TBC1D2: variants seen among roughly 807,000 people sequenced by gnomAD.
The protein encoded by TBC1D2 is TBC1 domain family member 2A.
A neutral mutation model predicts 91.1 loss-of-function variants in TBC1D2; 58 were observed. That is an observed-to-expected ratio of 0.64 (90% CI 0.52 to 0.79). The LOEUF (loss-of-function observed/expected upper bound fraction) is 0.79, where lower values mean the gene tolerates loss of function less well. Ranked by LOEUF, TBC1D2 falls within the 30% of genes least tolerant of loss-of-function variation. The pLI, the probability that TBC1D2 is intolerant of heterozygous loss-of-function variation, is 0.00. For synonymous variants in TBC1D2, 482 were observed against 511.5 expected (o/e 0.94, Z 0.78); for missense variants, 1,080 against 1,208.3 (o/e 0.89, Z 1.57).
Position 98,210,656 on chromosome 9 carries a change from C to T in TBC1D2, c.1673G>A (p.Ser558Asn), listed in dbSNP as rs939588379. 4.4e-6 allele frequency: 7 copies of T among 1,585,036 alleles called. No individual in the cohort carries two copies. Among genetic ancestry groups the T allele is most frequent in the African/African-American group, 1.3e-5 (1 of 74,146 alleles). The change falls in exon 8 of 13, where the codon AGT (serine) becomes AAT (asparagine). Residue 558 changes from serine to asparagine, a missense_variant and splice_region_variant. Ser to Asn is a conservative substitution (Grantham distance 46, BLOSUM62 1). Coordinates refer to ENST00000465784, the MANE Select transcript of TBC1D2 (RefSeq NM_001267571.2). ...SSDSIELSPISKYDEYGFLTV... is the reference protein window; with the variant it reads ...SSDSIELSPINKYDEYGFLTV... ...GCCCTTCCTGGGCCGCCAGGCTCAC[C>T]TGATGGGGCTCAGCTCGATGCTGTC...
chr9:98,199,011 T>G lies in TBC1D2; in HGVS notation c.*370A>C. 1 of 309,786 alleles carries G rather than the reference T, an allele frequency of 3.2e-6. No homozygotes were observed. The highest frequency in any genetic ancestry group is 6.1e-6 in the Non-Finnish European group (1 of 164,254). The allele number at this position is 309,786 out of a possible 1,614,324, so 19.2% of individuals were successfully genotyped here. A position where few individuals can be genotyped will look rare whatever the true frequency, so the allele number is the denominator to read the frequency against. ...AGGAACAACTGGTAACTGAGAACTG[T>G]TTAAGTTCCAAAGCTTATGAATGAT... On this transcript the variant is annotated 3_prime_UTR_variant, in exon 13 of 13. Transcript: ENST00000465784.
In TBC1D2 at chr9:98,204,477, G is replaced by A. The variant is rs145755378; in HGVS notation, c.2151-1069C>T. ...CCTCAGAGGACCCTGGAGAGATGTCGCTTTAGAAAGCCTCTGACTCTCTGG... is the reference window on the plus strand; with the variant it reads ...CCTCAGAGGACCCTGGAGAGATGTCACTTTAGAAAGCCTCTGACTCTCTGG... On this transcript the variant is annotated intron_variant, in intron 9 of 12. Transcript: ENST00000465784. Among the ~76,000 whole-genome samples, 164 of 152,286 alleles carry A rather than the reference G, an allele frequency of 1.1e-3. 1 individual carries two copies. Among genetic ancestry groups the A allele is most frequent in the African/African-American group, 3.9e-3 (162 of 41,564 alleles).
intron 3 of TBC1D2, among the ~76,000 whole-genome samples, chr9:98,233,888 G>C (rs1829437897): frequency 6.6e-6 from 1 of 152,176 alleles, no homozygotes. Context: ...ATGCCTAAAC[G>C]GTGCCCAAAA....
chr9:98,215,195 T>A (rs1828941121), intron 6 of TBC1D2, among the ~76,000 whole-genome samples: 1 of 152,202 alleles, frequency 6.6e-6, no homozygotes, highest in South Asian at 2.1e-4. Context: ...AGTGAAAATC[T>A]TGTTTGTGGC....
chr9:98,237,804 C>T (rs1251326501), intron 3 of TBC1D2, among the ~76,000 whole-genome samples: 3 of 151,902 alleles, frequency 2.0e-5, no homozygotes, highest in Admixed American at 6.6e-5. Context: ...TGTAAGGAAG[C>T]CACCAGAATT....
rs576742301 is a variant in TBC1D2 at position 98,221,460 on chromosome 9, A to G, written c.979-232T>C. On this transcript the variant is annotated intron_variant, in intron 5 of 12. Coordinates refer to ENST00000465784, the MANE Select transcript of TBC1D2 (RefSeq NM_001267571.2). ...TCCCAGCCAAGCCATGGTGAGGTGT[A>G]GCCAAGTAACTATTCTGCCTAAATG... Among the ~76,000 whole-genome samples, 81 of 152,350 alleles carry G rather than the reference A, an allele frequency of 5.3e-4. 1 individual carries two copies. Among genetic ancestry groups the G allele is most frequent in the African/African-American group, 1.9e-3 (78 of 41,584 alleles).
chr9:98,201,511 C>T lies in TBC1D2; in HGVS notation c.2425G>A (p.Val809Ile). 1.4e-5 allele frequency: 23 copies of T among 1,614,112 alleles called. No homozygotes were observed. Among genetic ancestry groups the T allele is most frequent in the Non-Finnish European group, 1.9e-5 (22 of 1,180,002 alleles). Residue 809 changes from valine to isoleucine, a missense_variant, in exon 11 of 13, where the codon GTC (valine) becomes ATC (isoleucine). Val to Ile is a conservative substitution (Grantham distance 29, BLOSUM62 3). Transcript: ENST00000465784. ...CCCTCGTACAGGAAGGCATCCCAGA[C>T]CCGAAGGAGGATGTTGCTAATGAGA... is the stretch of plus-strand genomic sequence containing the variant. ...DSLISNILLRVWDAFLYEGTK... is the reference protein window; with the variant it reads ...DSLISNILLRIWDAFLYEGTK...
At position 98,210,451 on chromosome 9, in the gene TBC1D2, G is replaced by A. The variant is rs530514263; in HGVS notation, c.1673+205C>T. Among the ~76,000 whole-genome samples the A allele has an allele frequency of 2.7e-3, 407 of 152,318 alleles. 2 individuals are homozygous for A. The highest frequency in any genetic ancestry group is 9.6e-3 in the African/African-American group (398 of 41,574). On this transcript the variant is annotated intron_variant, in intron 8 of 12. Transcript: ENST00000465784. The stretch of plus-strand genomic sequence containing the variant: ...TGGGGCTCTGGAGGCAGCCTGTGCC[G>A]CAAATGTACTATAGGGCCATGGCAG...
intron 6 of TBC1D2, among the ~76,000 whole-genome samples, chr9:98,216,380 C>A (rs7040214): frequency 3.2e-4 from 48 of 152,126 alleles, no homozygotes; most frequent in Non-Finnish European, 5.3e-4. Flanking sequence ...CAAGCCCCCC[C>A]GCAAGGGAGG....
At chr9:98,219,330 T>C (rs565976616) in intron 6 of TBC1D2, among the ~76,000 whole-genome samples, 1 of 152,338 alleles carries the variant, frequency 6.6e-6, no homozygotes, top group Admixed American at 6.5e-5. Flanking sequence ...TGTTCAACAC[T>C]GCCCACTGAG....
At chr9:98,244,782 T>C (rs1219597500) in intron 2 of TBC1D2, among the ~76,000 whole-genome samples, 2 of 152,000 alleles carry the variant, frequency 1.3e-5, no homozygotes, top group African/African-American at 4.8e-5. Context: ...TCTAGCATTG[T>C]CACAATAGCC....
chr9:98,242,802 C>CTTTTT (rs1563988076), intron 3 of TBC1D2, among the ~76,000 whole-genome samples: 1 of 99,844 alleles, frequency 1.0e-5, no homozygotes, highest in African/African-American at 5.6e-5. Flanking sequence ...CACACTGCTG[C>CTTTTT]CTTTTTTTTT....
intron 7 of TBC1D2, among the ~76,000 whole-genome samples, chr9:98,212,220 G>A (rs1483764864): frequency 2.0e-5 from 3 of 152,138 alleles, no homozygotes; most frequent in Non-Finnish European, 4.4e-5. Context: ...GTCTGATTGA[G>A]GACTTCTCCA....
chr9:98,203,542 C>T, intron 9 of TBC1D2, 134 bp from the exon 10 acceptor site: 2 of 1,333,522 alleles, frequency 1.5e-6, no homozygotes, highest in Non-Finnish European at 2.0e-6. Flanking sequence ...CACTCCCTAA[C>T]CAGATTTGTG....
chr9:98,232,262 TG>T (rs1486079181), intron 4 of TBC1D2, among the ~76,000 whole-genome samples: 1 of 151,896 alleles, frequency 6.6e-6, no homozygotes, highest in Non-Finnish European at 1.5e-5. Flanking sequence ...TCTCTTGGAC[TG>T]CTTGTTGTGC....
Position 98,243,985 on chromosome 9 carries a change from G to C in TBC1D2, c.647+9C>G. On this transcript the variant is annotated intron_variant, in intron 3 of 12. Transcript: ENST00000465784. ...GCTTGGCTAGCCCCTCAGCTCCACT[G>C]GCACTTACTGTATTTCAGTCCCCAG... 1 of 1,597,606 alleles carries C rather than the reference G, an allele frequency of 6.3e-7. No homozygotes were observed. Among genetic ancestry groups the C allele is most frequent in the Non-Finnish European group, 8.5e-7 (1 of 1,172,280 alleles).
Position 98,233,652 on chromosome 9 carries a change from C to T in TBC1D2, c.648-103G>A. 4 of 1,515,200 alleles carry T rather than the reference C, an allele frequency of 2.6e-6. No homozygotes were observed. In the South Asian group the frequency reaches 5.2e-5, roughly 20 times the overall value. 93.9% of individuals were successfully genotyped at this position (1,515,200 alleles called of 1,614,324 possible). A position where few individuals can be genotyped will look rare whatever the true frequency, so the allele number is the denominator to read the frequency against. ...TGGAGCTCAGGTCTCATCCCCACAC[C>T]CTGTCATCCTGACTGGTCTCCCAGA... On this transcript the variant is annotated intron_variant, in intron 3 of 12. Transcript: ENST00000465784.
At chr9:98,211,431 C>T (rs1329633582) in intron 7 of TBC1D2, among the ~76,000 whole-genome samples, 1 of 152,166 alleles carries the variant, frequency 6.6e-6, no homozygotes, top group Non-Finnish European at 1.5e-5. Context: ...GCACCCTCTT[C>T]CCTTGCTTGG....
intron 9 of TBC1D2, 74 bp downstream of exon 9, chr9:98,208,594 T>C (rs1828718697): frequency 6.9e-7 from 1 of 1,446,930 alleles, no homozygotes; most frequent in Non-Finnish European, 9.3e-7. Context: ...TGGCTGCCTG[T>C]CCACAGTCTG....
Sources: allele counts gnomAD v4.1 joint callset (sites outside exome capture counted in the v4.1 genomes callset), GRCh38; gene constraint gnomAD v4.1.1; transcripts MANE v1.5; gene names NCBI Gene and HGNC (gene_info 2026-07-23, HGNC 2026-07-21).